The following OR2L13 variants were observed in gnomAD, a reference collection of about 807,000 sequenced individuals.
OR2L13 encodes olfactory receptor 2L13.
OR2L13 carries 14 observed loss-of-function variants against 15.3 expected under a neutral mutation model. That is an observed-to-expected ratio of 0.91 (90% CI 0.60 to 1.43). The LOEUF is 1.43. Among genes scored for constraint, OR2L13 ranks in the 40% most tolerant of loss-of-function variants. The pLI, the probability that OR2L13 is intolerant of heterozygous loss-of-function variation, is 0.00. For synonymous variants in OR2L13, 152 were observed against 142.9 expected (o/e 1.06, Z -0.45); for missense variants, 367 against 387.9 (o/e 0.95, Z 0.45).
At chr1:247,990,630 T>C in the OR2L13 span, 16 of 1,539,570 alleles carry the variant, frequency 1.0e-5, no homozygotes, top group Non-Finnish European at 1.4e-5. Context: ...CCTATGATCG[T>C]TATGTGGCTA....
chr1:247,967,215 T>TTTTG, the OR2L13 span, among the ~76,000 whole-genome samples: 1 of 152,092 alleles, frequency 6.6e-6, no homozygotes, highest in Non-Finnish European at 1.5e-5. Context: ...TTCTTTCTTT[T>TTTTG]TTTGTTTGTT....
chr1:248,096,142 G>A (rs1664733552), upstream of OR2L13, among the ~76,000 whole-genome samples: 1 of 151,956 alleles, frequency 6.6e-6, no homozygotes, highest in Admixed American at 6.6e-5. Flanking sequence ...ACTTTGGGAG[G>A]CCGAGGTGGG....
chr1:247,937,417 G>T, the OR2L13 span: 1 of 157,756 alleles, frequency 6.3e-6, no homozygotes, highest in Non-Finnish European at 1.4e-5. Flanking sequence ...GGGACGGGGC[G>T]GTTACCGCAG....
chr1:248,068,932 T>C, the OR2L13 span, among the ~76,000 whole-genome samples: 1 of 151,906 alleles, frequency 6.6e-6, no homozygotes, highest in Non-Finnish European at 1.5e-5. Flanking sequence ...GAAAAAAGAA[T>C]AAAAAGAAAT....
At chr1:247,975,018 T>C in the OR2L13 span, 2 of 321,558 alleles carry the variant, frequency 6.2e-6, no homozygotes, top group Non-Finnish European at 1.3e-5. Context: ...TCTATTTCCT[T>C]CATTGGGTGT....
the OR2L13 span, among the ~76,000 whole-genome samples, chr1:248,072,552 A>G: frequency 6.6e-6 from 1 of 152,146 alleles, no homozygotes; most frequent in Non-Finnish European, 1.5e-5. Flanking sequence ...ATTACCATTC[A>G]GGACATAGGC....
chr1:248,004,050 T>A, the OR2L13 span: 1 of 1,610,380 alleles, frequency 6.2e-7, no homozygotes. Flanking sequence ...AGTCAGAGAA[T>A]CTGCTCTGTG....
At chr1:248,026,239 C>G in the OR2L13 span, among the ~76,000 whole-genome samples, 8 of 152,182 alleles carry the variant, frequency 5.3e-5, no homozygotes, top group African/African-American at 1.9e-4. Flanking sequence ...TGATGAATGC[C>G]TGATCTGCAG....
chr1:248,089,613 C>T, the OR2L13 span, among the ~76,000 whole-genome samples: 1 of 152,078 alleles, frequency 6.6e-6, no homozygotes, highest in African/African-American at 2.4e-5. Context: ...AATGCAATAG[C>T]CAAGGAAGTT....
the OR2L13 span, among the ~76,000 whole-genome samples, chr1:247,942,266 T>C: frequency 1.3e-5 from 2 of 152,160 alleles, no homozygotes; most frequent in Admixed American, 1.3e-4. Flanking sequence ...GTGTGGCTGC[T>C]TAGTGCTTAA....
the OR2L13 span, chr1:248,003,483 C>T: frequency 1.2e-6 from 2 of 1,609,620 alleles, no homozygotes; most frequent in Admixed American, 1.7e-5. Context: ...ATATCAATGG[C>T]CTATGTTCGT....
chr1:247,991,153 G>A, the OR2L13 span: 1 of 1,606,390 alleles, frequency 6.2e-7, no homozygotes, highest in Non-Finnish European at 8.5e-7. Context: ...AAACAAGGAG[G>A]TGATGGGGGC....
At chr1:248,084,661 T>A in the OR2L13 span, 6 of 1,518,644 alleles carry the variant, frequency 4.0e-6, no homozygotes, top group Non-Finnish European at 5.3e-6. Flanking sequence ...ATCATCTGAA[T>A]AACGAGCTAA....
At chr1:248,014,392 A>T in the OR2L13 span, among the ~76,000 whole-genome samples, 1 of 152,152 alleles carries the variant, frequency 6.6e-6, no homozygotes, top group Non-Finnish European at 1.5e-5. Context: ...ATTAGTAGCT[A>T]TGCTATGGGT....
At chr1:247,950,832 G>A in the OR2L13 span, among the ~76,000 whole-genome samples, 1 of 152,138 alleles carries the variant, frequency 6.6e-6, no homozygotes, top group Non-Finnish European at 1.5e-5. Context: ...GAGCCAGTAT[G>A]TGGTAGCACA....
chr1:248,059,012 ATATT>A, the OR2L13 span, among the ~76,000 whole-genome samples: 765 of 152,298 alleles, frequency 5.0e-3, 8 homozygotes, highest in African/African-American at 0.017. Flanking sequence ...ATAGCAAATG[ATATT>A]TATTTCACAG....
chr1:248,076,904 C>A, the OR2L13 span, among the ~76,000 whole-genome samples: 82 of 152,170 alleles, frequency 5.4e-4, 1 homozygote, highest in Non-Finnish European at 3.2e-4. Flanking sequence ...TGAGAGAGGG[C>A]ATCCTTGTCT....
the OR2L13 span, among the ~76,000 whole-genome samples, chr1:248,008,075 GA>G: frequency 6.6e-6 from 1 of 152,150 alleles, no homozygotes; most frequent in Non-Finnish European, 1.5e-5. Context: ...AAGCTATAAA[GA>G]TTCCTCCAGG....
chr1:247,991,010 C>T, the OR2L13 span: 1 of 1,522,398 alleles, frequency 6.6e-7, no homozygotes, highest in Non-Finnish European at 9.1e-7. Flanking sequence ...ACTGTAGTGA[C>T]TTTCTACTAT....
Sources: allele counts gnomAD v4.1 joint callset (sites outside exome capture counted in the v4.1 genomes callset), GRCh38; gene constraint gnomAD v4.1.1; transcripts MANE v1.5; gene names NCBI Gene and HGNC (gene_info 2026-07-23, HGNC 2026-07-21).